Variants in RAD54L2 observed in about 807,000 individuals in gnomAD.
RAD54L2 encodes helicase ARIP4.
In RAD54L2, 27 loss-of-function variants were observed where a neutral mutation model predicts 138.4. That is an observed-to-expected ratio of 0.20 (90% confidence interval 0.14 to 0.27). The LOEUF is 0.27. Among genes scored for constraint, RAD54L2 ranks in the 10% least tolerant of loss-of-function variants. The pLI is 1.00. For synonymous variants in RAD54L2, 644 were observed against 723.2 expected, an observed-to-expected ratio of 0.89 and a Z score of 1.76; for missense variants, 1,396 against 1,890.2, an observed-to-expected ratio of 0.74 and a Z score of 4.85.
chr3:51,627,866 G>A (rs1700729581), intron 4 of RAD54L2, 112 bp downstream of exon 4: 1 of 1,208,538 alleles, frequency 8.3e-7, no homozygotes, highest in South Asian at 1.4e-5. Context: ...TCTCTCCAAA[G>A]GAGAAAAGTG....
chr3:51,608,446 A>G (rs1006975759), intron 3 of RAD54L2, among the ~76,000 whole-genome samples: 5 of 152,188 alleles, frequency 3.3e-5, no homozygotes, highest in Admixed American at 6.5e-5. Context: ...AGAGGCTGCA[A>G]TCTCGGCACT....
intron 3 of RAD54L2, among the ~76,000 whole-genome samples, chr3:51,607,788 T>C (rs1334033609): frequency 1.1e-3 from 119 of 108,968 alleles, no homozygotes; most frequent in South Asian, 6.0e-3. Flanking sequence ...ACCTCCCAGA[T>C]GGGGTGGCGG....
intron 3 of RAD54L2, among the ~76,000 whole-genome samples, chr3:51,612,255 A>G (rs1700349026): frequency 6.6e-6 from 1 of 152,202 alleles, no homozygotes; most frequent in Admixed American, 6.5e-5. Flanking sequence ...ACCTGAGGTC[A>G]GAAGTTTAAG....
chr3:51,568,048 GT>G (rs773126286), intron 2 of RAD54L2, among the ~76,000 whole-genome samples: 1 of 152,012 alleles, frequency 6.6e-6, no homozygotes, highest in Non-Finnish European at 1.5e-5. Context: ...GGTAGCTCAT[GT>G]TTTTTATCTT....
rs1340452687 is a variant in RAD54L2 at position 51,647,834 on chromosome 3, G to T, written c.3026+1353G>T. ...AGCCTAAAATTTTTTTCCTTACTAA[G>T]ACTCTCATGTTAAAAACAAACAAGC... On this transcript the variant is annotated intron_variant, in intron 19 of 22. Transcript: ENST00000684192. 2.0e-5 allele frequency among the ~76,000 whole-genome samples: 3 copies of T among 152,064 alleles called. No individual in the cohort carries two copies. The East Asian group carries it at 5.8e-4, about 29-fold the overall frequency.
At chr3:51,595,047 G>C (rs1699931745) in intron 3 of RAD54L2, among the ~76,000 whole-genome samples, 1 of 151,706 alleles carries the variant, frequency 6.6e-6, no homozygotes, top group Non-Finnish European at 1.5e-5. Flanking sequence ...TGTATTTTCA[G>C]TAGAGACAGA....
chr3:51,624,621 ATT>A (rs1700636700), intron 3 of RAD54L2, among the ~76,000 whole-genome samples: 1 of 152,192 alleles, frequency 6.6e-6, no homozygotes, highest in South Asian at 2.1e-4. Context: ...GGTTACTACA[ATT>A]GTTCTCCTCC....
At chr3:51,613,336 G>A (rs116226386) in intron 3 of RAD54L2, among the ~76,000 whole-genome samples, 364 of 152,244 alleles carry the variant, frequency 2.4e-3, no homozygotes, top group Admixed American at 5.2e-3. Flanking sequence ...TAGCTGAGAC[G>A]TTCCCACTTT....
rs768118629 is a variant in RAD54L2, at chr3:51,630,352, A to G, written c.562A>G (p.Ser188Gly). 6.2e-7 allele frequency: 1 copy of G among 1,613,994 alleles called. No individual in the cohort carries two copies. The highest frequency in any genetic ancestry group is 2.2e-5 in the East Asian group (1 of 44,888). Residue 188 changes from serine (S) to glycine (G), a missense_variant, in exon 6 of 23, where the codon AGC (serine) becomes GGC (glycine). This residue lies in a region of RAD54L2 where 256 missense variants were observed against 344.6 expected (regional missense o/e 0.74). Coordinates refer to ENST00000684192, the MANE Select transcript of RAD54L2 (RefSeq NM_015106.4). ...CCAGGAAGTCATTTGTTTGGACAGT[A>G]GCAGTGGCAGTGAGGATGAAAAAAG... Reference protein sequence around the residue: ...LAQEVICLDSSSGSEDEKSSR... With the variant: ...LAQEVICLDSGSGSEDEKSSR...
rs1331143295 is a variant in RAD54L2, at chr3:51,645,557, T to C, written c.2657-34T>C. 17 of 1,567,342 alleles carry C rather than the reference T, an allele frequency of 1.1e-5. No homozygotes were observed. The highest frequency in any genetic ancestry group is 1.5e-5 in the Non-Finnish European group (17 of 1,154,894). ...GTGACCTTTACAGTTTTTAATGCCA[T>C]GTGCTGACTTTCTTCATGTCTTTAT... is the stretch of plus-strand genomic sequence containing the variant. On this transcript the variant is annotated intron_variant, in intron 17 of 22. Transcript: ENST00000684192. The surrounding 1 kb of genome is among the most constrained non-coding windows in gnomAD (Gnocchi z 6.1).
rs1368717673 is a variant in RAD54L2, at chr3:51,663,399, G to T, written c.4383G>T (p.Val1461=). Residue 1461 remains valine (V), a synonymous_variant, in exon 23 of 23, where the codon GTG becomes GTT. Transcript: ENST00000684192. The part of the protein sequence containing the change: ...SNDDEDKDDD[V]IEVTGK ...ATGATGAGGATAAAGACGATGATGT[G>T]ATAGAGGTCACTGGGAAATAGCTAG... 1 of 1,612,230 alleles carries T rather than the reference G, an allele frequency of 6.2e-7. No individual in the cohort carries two copies. Among genetic ancestry groups the T allele is most frequent in the South Asian group, 1.1e-5 (1 of 91,062 alleles).
At chr3:51,633,548 C>T (rs763661002) in intron 7 of RAD54L2, 29 bp from the exon 8 acceptor site, 1 of 1,595,586 alleles carries the variant, frequency 6.3e-7, no homozygotes, top group Non-Finnish European at 8.6e-7. Flanking sequence ...TTGTGAGCCC[C>T]TCTGACATTT....
chr3:51,662,977 G>T lies in RAD54L2; in HGVS notation c.3961G>T (p.Gly1321Cys). The stretch of plus-strand genomic sequence containing the variant: ...GGCTGGGGAGAACTCCCTGTTTATG[G>T]GCAGTACCCCCTCCTACTACCAGCT... ...SQAGENSLFM[G>C]STPSYYQLSN... The change falls in exon 23 of 23, where the codon GGC becomes TGC. Residue 1321 changes from glycine to cysteine, a missense_variant. Gly to Cys is a radical substitution (Grantham distance 159). Around this residue, in one of 7 missense-constraint regions of RAD54L2, gnomAD observed 634 missense variants for 711.2 expected, o/e 0.89. Coordinates refer to ENST00000684192, the MANE Select transcript of RAD54L2 (RefSeq NM_015106.4). The surrounding 1 kb of genome is among the most constrained non-coding windows in gnomAD (Gnocchi z 4.6). 1.2e-6 allele frequency: 2 copies of T among 1,613,944 alleles called. 1 individual carries two copies.
chr3:51,571,714 T>G (rs1404174012), intron 2 of RAD54L2, among the ~76,000 whole-genome samples: 3 of 152,182 alleles, frequency 2.0e-5, no homozygotes. Flanking sequence ...GCATAGTCGG[T>G]TATGTGTACA....
intron 3 of RAD54L2, among the ~76,000 whole-genome samples, chr3:51,614,589 C>T (rs1418750288): frequency 6.6e-6 from 1 of 151,978 alleles, no homozygotes; most frequent in Non-Finnish European, 1.5e-5. Context: ...TGATAACTCA[C>T]TGCAACCTTG....
intron 3 of RAD54L2, among the ~76,000 whole-genome samples, chr3:51,608,278 G>T (rs1423313619): frequency 6.6e-6 from 1 of 151,934 alleles, no homozygotes; most frequent in Admixed American, 6.6e-5. Context: ...GGGCAGCCGG[G>T]CAGAGACGCT....
chr3:51,559,513 T>C (rs1037171200), intron 2 of RAD54L2, among the ~76,000 whole-genome samples: 2 of 152,198 alleles, frequency 1.3e-5, no homozygotes, highest in Non-Finnish European at 2.9e-5. Flanking sequence ...CACTTGATTA[T>C]GGATGGGTCT....
chr3:51,574,644 C>T (rs1459842506), intron 2 of RAD54L2, among the ~76,000 whole-genome samples: 1 of 152,130 alleles, frequency 6.6e-6, no homozygotes, highest in African/African-American at 2.4e-5. Flanking sequence ...TAAATGTCTT[C>T]TTTTGAGAAG....
At chr3:51,603,394 T>A (rs553326869) in intron 3 of RAD54L2, among the ~76,000 whole-genome samples, 28 of 151,988 alleles carry the variant, frequency 1.8e-4, no homozygotes. Context: ...TCACTTGAAG[T>A]TGGGAGTTTG....
Sources: allele counts gnomAD v4.1 joint callset (sites outside exome capture counted in the v4.1 genomes callset), GRCh38; gene constraint gnomAD v4.1.1; regional missense constraint gnomAD v4.1.1; non-coding constraint Gnocchi (gnomAD v3.1); transcripts MANE v1.5; gene names NCBI Gene and HGNC (gene_info 2026-07-23, HGNC 2026-07-21).